The following PLXNA2 variants were observed in gnomAD, a reference collection of about 807,000 sequenced individuals.
The protein encoded by PLXNA2 is plexin-A2.
In PLXNA2, 91 loss-of-function variants were observed where a neutral mutation model predicts 193.5. The observed-to-expected ratio is 0.47, with a 90% CI of 0.40 to 0.56. PLXNA2 has a LOEUF of 0.56. Ranked by LOEUF, PLXNA2 falls within the 20% of genes least tolerant of loss-of-function variation. The probability of loss-of-function intolerance (pLI) is 0.00; values close to 1 mark genes in which losing one functional copy is unlikely to be tolerated. For missense variants in PLXNA2, 1,995 were observed against 2,503.2 expected, an observed-to-expected ratio of 0.80 and a Z score of 4.33; for synonymous variants, 997 against 1,027.3, an observed-to-expected ratio of 0.97 and a Z score of 0.56.
chr1:208,127,273 G>A (rs200039877), intron 4 of PLXNA2, among the ~76,000 whole-genome samples: 12 of 9,848 alleles, frequency 1.2e-3, no homozygotes, highest in South Asian at 0.05. Context: ...ATGTGTGCAT[G>A]TACACACACA....
chr1:208,048,899 G>T (rs1160909700), intron 17 of PLXNA2, among the ~76,000 whole-genome samples: 2 of 152,214 alleles, frequency 1.3e-5, no homozygotes, highest in Non-Finnish European at 2.9e-5. Context: ...CAAATAACTT[G>T]CCTGTGAGCG....
At chr1:208,140,401 T>C (rs1251889117) in intron 4 of PLXNA2, among the ~76,000 whole-genome samples, 1 of 152,208 alleles carries the variant, frequency 6.6e-6, no homozygotes, top group Non-Finnish European at 1.5e-5. Flanking sequence ...AAGGTCTCAT[T>C]GGTCACTTCT....
chr1:208,043,341 G>T, intron 20 of PLXNA2, 138 bp from the exon 21 acceptor site: 1 of 733,042 alleles, frequency 1.4e-6, no homozygotes. Flanking sequence ...GTCTCCAGAG[G>T]GCGGGGCTAC....
At chr1:208,168,829 T>A (rs1278300166) in intron 3 of PLXNA2, among the ~76,000 whole-genome samples, 1 of 142,856 alleles carries the variant, frequency 7.0e-6, no homozygotes, top group East Asian at 2.3e-4. Context: ...GGTCATGCTA[T>A]CCCAGTGAGA....
In PLXNA2 at chr1:208,236,652, A is replaced by G. The variant is rs1168921421; in HGVS notation, c.-81+6991T>C. On this transcript the variant is annotated intron_variant, in intron 1 of 31. Transcript: ENST00000367033. The surrounding 1 kb of genome is among the most constrained non-coding windows in gnomAD (Gnocchi z 4.4). Reference sequence around the variant, plus strand: ...GTCCCTGGCGTGTTCTCGTTCACTCAGTGAGTTGTCTACCACTCTCAGAAG... The same window carrying G: ...GTCCCTGGCGTGTTCTCGTTCACTCGGTGAGTTGTCTACCACTCTCAGAAG... Among the ~76,000 whole-genome samples the G allele has an allele frequency of 6.6e-6, 1 of 152,220 alleles. No individual in the cohort carries two copies. Among genetic ancestry groups the G allele is most frequent in the Non-Finnish European group, 1.5e-5 (1 of 68,024 alleles).
At chr1:208,096,942 G>GTC in intron 6 of PLXNA2, 59 bp from the exon 7 acceptor site, 1 of 1,534,622 alleles carries the variant, frequency 6.5e-7, no homozygotes, top group Non-Finnish European at 8.8e-7. Flanking sequence ...TGGACTCCAG[G>GTC]TCCAGCCCTG....
intron 3 of PLXNA2, among the ~76,000 whole-genome samples, chr1:208,201,251 T>C (rs1391919999): frequency 5.3e-5 from 8 of 152,198 alleles, no homozygotes; most frequent in Non-Finnish European, 1.0e-4. Context: ...GATACTGTGG[T>C]TGGTGTGGAG....
chr1:208,208,577 C>T lies in PLXNA2; in HGVS notation c.1371+1703G>A, dbSNP rs1333252260. 2.6e-5 allele frequency among the ~76,000 whole-genome samples: 4 copies of T among 152,300 alleles called. No homozygotes were observed. The East Asian group carries it at 7.7e-4, about 29-fold the overall frequency. On this transcript the variant is annotated intron_variant, in intron 3 of 31. Transcript: ENST00000367033. Reference sequence around the variant, plus strand: ...AGGGAACAGTCCAAAAAGCATGACCCCTGCCTTTCACAGAACTTTCAAGAG... The same window carrying T: ...AGGGAACAGTCCAAAAAGCATGACCTCTGCCTTTCACAGAACTTTCAAGAG...
At chr1:208,074,361 G>A (rs576439918) in intron 12 of PLXNA2, among the ~76,000 whole-genome samples, 1 of 152,244 alleles carries the variant, frequency 6.6e-6, no homozygotes, top group Non-Finnish European at 1.5e-5. Flanking sequence ...GGTGACACGT[G>A]CACAGACACC....
intron 3 of PLXNA2, among the ~76,000 whole-genome samples, chr1:208,183,606 GA>G (rs5780439): frequency 0.44 from 47,483 of 107,230 alleles, 9,324 homozygotes; most frequent in Middle Eastern, 0.55. Context: ...CAGAGAGGGA[GA>G]GGGGGGGGTC....
intron 1 of PLXNA2, among the ~76,000 whole-genome samples, chr1:208,226,127 G>T (rs994778517): frequency 9.2e-5 from 14 of 152,264 alleles, no homozygotes; most frequent in African/African-American, 3.1e-4. Context: ...GAACTCACTT[G>T]CTCTGCCCAT....
intron 12 of PLXNA2, among the ~76,000 whole-genome samples, chr1:208,071,899 G>T (rs752511660): frequency 1.8e-4 from 27 of 152,322 alleles, no homozygotes; most frequent in Middle Eastern, 3.4e-3. Context: ...GGCCTTTCCT[G>T]CAGAGATTTG....
chr1:208,124,358 C>T (rs188289173), intron 4 of PLXNA2, among the ~76,000 whole-genome samples: 3 of 152,188 alleles, frequency 2.0e-5, no homozygotes, highest in Admixed American at 2.0e-4. Context: ...ATATGTACCC[C>T]CGAACCTTAA....
At chr1:208,208,523 A>G (rs1254906356) in intron 3 of PLXNA2, among the ~76,000 whole-genome samples, 1 of 152,220 alleles carries the variant, frequency 6.6e-6, no homozygotes, top group African/African-American at 2.4e-5. Context: ...CCATGAGTGA[A>G]CACTCGGTGA....
intron 3 of PLXNA2, among the ~76,000 whole-genome samples, chr1:208,149,010 G>A (rs748074335): frequency 3.3e-5 from 5 of 152,192 alleles, no homozygotes; most frequent in African/African-American, 4.8e-5. Context: ...GTTATTGAGC[G>A]CTCAACATCA....
chr1:208,171,463 G>A (rs1669492695), intron 3 of PLXNA2, among the ~76,000 whole-genome samples: 1 of 152,134 alleles, frequency 6.6e-6, no homozygotes, highest in Non-Finnish European at 1.5e-5. Flanking sequence ...GGAAAATGGG[G>A]GCAGTAGGAG....
At chr1:208,056,882 G>C (rs1200308058) in intron 13 of PLXNA2, among the ~76,000 whole-genome samples, 1 of 152,180 alleles carries the variant, frequency 6.6e-6, no homozygotes, top group Non-Finnish European at 1.5e-5. Context: ...AAGAACTGGA[G>C]AGTCCTAAGA....
chr1:208,205,855 G>C (rs535959721), intron 3 of PLXNA2, among the ~76,000 whole-genome samples: 125 of 152,244 alleles, frequency 8.2e-4, no homozygotes, highest in African/African-American at 2.9e-3. Context: ...TGCCCTCTGG[G>C]GCCACACTGA....
chr1:208,156,717 A>T (rs767879692), intron 3 of PLXNA2, among the ~76,000 whole-genome samples: 1 of 152,222 alleles, frequency 6.6e-6, no homozygotes, highest in Non-Finnish European at 1.5e-5. Context: ...AAGTGCCAAC[A>T]TAAATTATAA....
Sources: gnomAD v4.1 joint callset for allele counts (sites outside exome capture counted in the v4.1 genomes callset) on GRCh38, gnomAD v4.1.1 for gene constraint, Gnocchi (gnomAD v3.1) non-coding constraint, MANE v1.5 for transcripts, NCBI Gene and HGNC (gene_info 2026-07-23, HGNC 2026-07-21) for gene names.